COL24A1: variants seen among roughly 807,000 people sequenced by gnomAD.
The protein encoded by COL24A1 is collagen alpha-1(XXIV) chain.
In COL24A1, 224 loss-of-function variants were observed where a neutral mutation model predicts 253.9. The observed-to-expected ratio is 0.88, with a 90% CI of 0.79 to 0.99. The LOEUF is 0.99. Ranked by LOEUF, COL24A1 falls within the 50% of genes least tolerant of loss-of-function variation. COL24A1 has a pLI of 0.00. For synonymous variants in COL24A1, 685 were observed against 673.7 expected (o/e 1.02, Z -0.26); for missense variants, 2,131 against 2,068.5 (o/e 1.03, Z -0.59).
intron 19 of COL24A1, among the ~76,000 whole-genome samples, chr1:86,010,335 C>T (rs369888733): frequency 8.0e-4 from 121 of 152,144 alleles, no homozygotes; most frequent in African/African-American, 2.6e-3. Flanking sequence ...GGCTAATTTC[C>T]CTAATACCCA....
intron 7 of COL24A1, among the ~76,000 whole-genome samples, chr1:86,072,140 T>G (rs1327325926): frequency 1.3e-5 from 2 of 152,076 alleles, no homozygotes; most frequent in African/African-American, 2.4e-5. Flanking sequence ...CAGTGGCACC[T>G]GGAACGCCAG....
intron 6 of COL24A1, 72 bp from the exon 7 acceptor site, chr1:86,089,299 C>T: frequency 7.9e-7 from 1 of 1,265,240 alleles, no homozygotes; most frequent in Non-Finnish European, 1.1e-6. Flanking sequence ...AAAATTAAAG[C>T]TCCTTTTAAT....
At chr1:85,875,704 C>T (rs897700153) in intron 33 of COL24A1, among the ~76,000 whole-genome samples, 19 of 145,410 alleles carry the variant, frequency 1.3e-4, no homozygotes, top group African/African-American at 4.7e-4. Flanking sequence ...TAAATTTATT[C>T]ACATTATAAA....
At chr1:86,106,959 G>A (rs1047545019) in intron 5 of COL24A1, among the ~76,000 whole-genome samples, 1 of 152,080 alleles carries the variant, frequency 6.6e-6, no homozygotes, top group South Asian at 2.1e-4. Flanking sequence ...AGTCCTCAGG[G>A]ATTAGGAATC....
intron 55 of COL24A1, among the ~76,000 whole-genome samples, chr1:85,759,332 C>G (rs1666602870): frequency 6.6e-6 from 1 of 151,958 alleles, no homozygotes; most frequent in African/African-American, 2.4e-5. Context: ...ATAGAAAAGA[C>G]AAACATGAAA....
intron 53 of COL24A1, among the ~76,000 whole-genome samples, chr1:85,771,983 T>C (rs1322138633): frequency 7.1e-6 from 1 of 141,118 alleles, no homozygotes; most frequent in Non-Finnish European, 1.5e-5. Flanking sequence ...CAGAGTGTGA[T>C]ATTCCCCTTC....
At chr1:86,102,075 T>C (rs1237593733) in intron 5 of COL24A1, among the ~76,000 whole-genome samples, 1 of 130,270 alleles carries the variant, frequency 7.7e-6, no homozygotes, top group African/African-American at 2.8e-5. Flanking sequence ...TGCTCATTTT[T>C]GGTCTGTTAA....
At chr1:85,781,431 T>C (rs961889974) in intron 51 of COL24A1, among the ~76,000 whole-genome samples, 158 bp from the exon 52 acceptor site, 4 of 152,152 alleles carry the variant, frequency 2.6e-5, no homozygotes, top group Non-Finnish European at 5.9e-5. Flanking sequence ...ATAATCTTGG[T>C]TAACAGTATG....
intron 59 of COL24A1, among the ~76,000 whole-genome samples, chr1:85,733,202 G>A (rs928330583): frequency 6.0e-4 from 91 of 152,246 alleles, no homozygotes; most frequent in African/African-American, 2.0e-3. Context: ...TGGAAATGTT[G>A]AGATACTAAA....
At chr1:86,041,284 C>T (rs1468202924) in intron 12 of COL24A1, among the ~76,000 whole-genome samples, 1 of 152,116 alleles carries the variant, frequency 6.6e-6, no homozygotes, top group Non-Finnish European at 1.5e-5. Context: ...ATAATCCATT[C>T]TAAGGGTCTG....
At chr1:85,966,326 T>TA (rs1691568311) in intron 22 of COL24A1, among the ~76,000 whole-genome samples, 1 of 152,148 alleles carries the variant, frequency 6.6e-6, no homozygotes, top group African/African-American at 2.4e-5. Context: ...ATATGCTTGT[T>TA]AGACATCTAA....
At chr1:86,144,962 A>C (rs1651676351) in intron 2 of COL24A1, among the ~76,000 whole-genome samples, 1 of 152,166 alleles carries the variant, frequency 6.6e-6, no homozygotes, top group Non-Finnish European at 1.5e-5. Flanking sequence ...AAGCTAAATG[A>C]AGTAACATAA....
intron 35 of COL24A1, among the ~76,000 whole-genome samples, chr1:85,873,566 T>C (rs749771587): frequency 2.6e-4 from 39 of 152,186 alleles, no homozygotes; most frequent in Non-Finnish European, 5.1e-4. Flanking sequence ...GAAACCATCA[T>C]TCTCAGCAAA....
chr1:85,873,060 T>C (rs1412142091), intron 35 of COL24A1, among the ~76,000 whole-genome samples: 11 of 152,190 alleles, frequency 7.2e-5, no homozygotes, highest in Non-Finnish European at 1.3e-4. Context: ...AAGACATTTA[T>C]GCAGCCAACA....
At chr1:85,960,631 C>T (rs1184133721) in intron 24 of COL24A1, 3 of 151,712 alleles carry the variant, frequency 2.0e-5, no homozygotes, top group Non-Finnish European at 2.9e-5. Flanking sequence ...ACCTGTAATC[C>T]CAGCACTTTG....
At chr1:85,767,012 G>GA (rs1325212674) in intron 53 of COL24A1, among the ~76,000 whole-genome samples, 1 of 151,998 alleles carries the variant, frequency 6.6e-6, no homozygotes, top group African/African-American at 2.4e-5. Flanking sequence ...GCCGAGGCAG[G>GA]AGAATCGCTT....
At position 85,740,791 on chromosome 1, in the gene COL24A1, G is replaced by A. The variant is rs1231886387; in HGVS notation, c.4673-3286C>T. Among the ~76,000 whole-genome samples the A allele has an allele frequency of 2.0e-5, 3 of 148,844 alleles. No individual in the cohort carries two copies. The East Asian group carries it at 6.3e-4, about 31-fold the overall frequency. On this transcript the variant is annotated intron_variant, in intron 57 of 59. Coordinates refer to ENST00000370571, the MANE Select transcript of COL24A1 (RefSeq NM_152890.7). ...CTGGCCTGCCTTCTCTCTTATTATA[G>A]TGAATAAACTGTGTTCCTATAGAAG...
chr1:86,119,184 C>G (rs1007379046), intron 3 of COL24A1, among the ~76,000 whole-genome samples: 74 of 152,102 alleles, frequency 4.9e-4, no homozygotes, highest in African/African-American at 1.8e-3. Flanking sequence ...AACATCATCT[C>G]CAGTGAAAAA....
At chr1:86,093,309 T>A (rs564893765) in intron 5 of COL24A1, among the ~76,000 whole-genome samples, 1 of 152,102 alleles carries the variant, frequency 6.6e-6, no homozygotes, top group South Asian at 2.1e-4. Flanking sequence ...TTCTACATTG[T>A]GTAAGGAAGG....
Sources: gnomAD v4.1 joint callset for allele counts (sites outside exome capture counted in the v4.1 genomes callset) on GRCh38, gnomAD v4.1.1 for gene constraint, MANE v1.5 for transcripts, NCBI Gene and HGNC (gene_info 2026-07-23, HGNC 2026-07-21) for gene names.